The following MEFV variants were observed in gnomAD, a reference collection of about 807,000 sequenced individuals.
The protein encoded by MEFV is MEFV innate immunity regulator, pyrin.
In MEFV, 60 loss-of-function variants were observed where a neutral mutation model predicts 62.5. The observed-to-expected ratio is 0.96, with a 90% CI of 0.78 to 1.19. The LOEUF (loss-of-function observed/expected upper bound fraction) is 1.19, where lower values mean the gene tolerates loss of function less well. MEFV is among the 50% of genes most tolerant of loss of function. MEFV has a pLI of 0.00. For synonymous variants in MEFV, 500 were observed against 415.2 expected, an observed-to-expected ratio of 1.20 and a Z score of -2.48; for missense variants, 1,169 against 1,004.5, an observed-to-expected ratio of 1.16 and a Z score of -2.21.
intron 9 of MEFV, 21 bp from the exon 10 acceptor site, chr16:3,243,715 C>T: frequency 1.9e-6 from 3 of 1,611,820 alleles, no homozygotes; most frequent in Non-Finnish European, 2.5e-6. Flanking sequence ...AATTTGAATA[C>T]CTAGGTAGGG....
In MEFV at chr16:3,243,225, A is replaced by G; in HGVS notation, c.2262T>C (p.Pro754=). 1 of 1,614,150 alleles carries G rather than the reference A, an allele frequency of 6.2e-7. No individual in the cohort carries two copies. The highest frequency in any genetic ancestry group is 8.5e-7 in the Non-Finnish European group (1 of 1,180,028). The change falls in exon 10 of 10, where the codon CCT becomes CCC. Residue 754 remains proline (P), a synonymous_variant. Transcript: ENST00000219596. ...CATCACGTGTCCCAGGGCTGAAGAT[A>G]GGTTGAAGGGGCCCAGAGAAAGAGC... ...ASCSFSGPLQ[P]IFSPGTRDGG...
chr16:3,254,485 C>G lies in MEFV; in HGVS notation c.583G>C (p.Glu195Gln). The G allele has an allele frequency of 6.3e-7, 1 of 1,589,058 alleles. No homozygotes were observed. The highest frequency in any genetic ancestry group is 1.3e-5 in the African/African-American group (1 of 74,366). ...GRSPGPCRAL[E>Q]GGQAEVRLRR... ...AGCCGGACCTCGGCCTGGCCCCCCT[C>G]TAGCGCCCTGCAGGGGCCGGGGCTT... Residue 195 changes from glutamate (E) to glutamine (Q), a missense_variant, in exon 2 of 10, where the codon GAG (glutamate) becomes CAG (glutamine). Coordinates refer to ENST00000219596, the MANE Select transcript of MEFV (RefSeq NM_000243.3).
intron 5 of MEFV, 75 bp downstream of exon 5, chr16:3,246,941 G>T: frequency 7.2e-7 from 1 of 1,398,562 alleles, no homozygotes; most frequent in Non-Finnish European, 1.0e-6. Flanking sequence ...CAGCACGGCT[G>T]ATGGCAGAGC....
At chr16:3,249,143 G>A (rs1958991695) in intron 3 of MEFV, 139 bp from the exon 4 acceptor site, 1 of 875,204 alleles carries the variant, frequency 1.1e-6, no homozygotes, top group Non-Finnish European at 1.9e-6. Flanking sequence ...GGGTGCTCAG[G>A]AAAGAGGAGG....
intron 4 of MEFV, 95 bp from the exon 5 acceptor site, chr16:3,247,341 A>T: frequency 9.4e-7 from 1 of 1,063,288 alleles, no homozygotes; most frequent in African/African-American, 1.6e-5. Context: ...GGAGGTGGAT[A>T]AGAGGTGGGC....
intron 2 of MEFV, among the ~76,000 whole-genome samples, chr16:3,251,698 G>A (rs1304977010): frequency 2.0e-5 from 3 of 152,232 alleles, no homozygotes; most frequent in Non-Finnish European, 2.9e-5. Context: ...ATGCATTGCT[G>A]TGAGGTTATT....
chr16:3,246,082 A>G (rs1257884900), intron 6 of MEFV, among the ~76,000 whole-genome samples: 3 of 152,206 alleles, frequency 2.0e-5, no homozygotes, highest in Non-Finnish European at 2.9e-5. Flanking sequence ...GGGATTTTGT[A>G]AAGCTCCCAG....
Position 3,243,815 on chromosome 16 carries a change from G to C in MEFV, c.1792+45C>G, listed in dbSNP as rs770948036. 4 of 1,610,052 alleles carry C rather than the reference G, an allele frequency of 2.5e-6. No individual in the cohort carries two copies. In the African/African-American group the frequency reaches 5.3e-5, roughly 22 times the overall value. ...CTGGAACGTGGTAGGGGAGAGCACA[G>C]GGATCCAGCAGGCCAGGGCCACTTG... is the stretch of plus-strand genomic sequence containing the variant. On this transcript the variant is annotated intron_variant, in intron 9 of 9. Coordinates refer to ENST00000219596, the MANE Select transcript of MEFV (RefSeq NM_000243.3).
rs144998416 is a variant in MEFV at position 3,249,561 on chromosome 16, C to T, written c.1130G>A (p.Arg377His). The T allele has an allele frequency of 1.5e-5, 25 of 1,614,092 alleles. No individual in the cohort carries two copies. The African/African-American group carries it at 1.6e-4, about 10-fold the overall frequency. ...GAGCAGCTGGACCTGCTTCAGGTGG[C>T]GCTTACACTGTGGCAGGGGCTGGGG... Reference protein sequence around the residue: ...LSPQPLPQCKRHLKQVQLLFC... With the variant: ...LSPQPLPQCKHHLKQVQLLFC... The change falls in exon 3 of 10, where the codon CGC becomes CAC. Residue 377 changes from arginine (R) to histidine (H), a missense_variant. Transcript: ENST00000219596.
chr16:3,247,434 G>A, intron 4 of MEFV, 188 bp from the exon 5 acceptor site: 1 of 604,376 alleles, frequency 1.7e-6, no homozygotes, highest in Non-Finnish European at 2.9e-6. Context: ...AGCATGGCTG[G>A]GGCTAGCTCT....
chr16:3,246,589 A>T (rs758036789), intron 5 of MEFV, 42 bp from the exon 6 acceptor site: 13 of 1,612,692 alleles, frequency 8.1e-6, no homozygotes, highest in Non-Finnish European at 1.1e-5. Flanking sequence ...CCAGGCTCCT[A>T]GTGGCTGGGC....
chr16:3,254,297 T>G lies in MEFV; in HGVS notation c.771A>C (p.Pro257=), dbSNP rs1210288126. 1.2e-6 allele frequency: 2 copies of G among 1,614,148 alleles called. No individual in the cohort carries two copies. The highest frequency in any genetic ancestry group is 1.7e-5 in the Admixed American group (1 of 60,012). ...ISTGEKAPAN[P]EILLTLEEKT... ...TTTCCTCTAGAGTCAGGAGAATTTC[T>G]GGATTTGCGGGCGCCTTCTCCCCTG... is the stretch of plus-strand genomic sequence containing the variant. The change falls in exon 2 of 10, where the codon CCA becomes CCC. Residue 257 remains proline (P), a synonymous_variant. Transcript: ENST00000219596.
rs1235311995 is a variant in MEFV, at chr16:3,252,386, G to A, written c.910+1772C>T. ...CCTCCTCGGTTCAAGCAATTCTCCT[G>A]CCTCGAAGCCTTCTGAGTAGCTGGG... is the stretch of plus-strand genomic sequence containing the variant. On this transcript the variant is annotated intron_variant, in intron 2 of 9. Coordinates refer to ENST00000219596, the MANE Select transcript of MEFV (RefSeq NM_000243.3). 2.0e-5 allele frequency among the ~76,000 whole-genome samples: 3 copies of A among 150,682 alleles called. No homozygotes were observed. In the East Asian group the frequency reaches 5.9e-4, roughly 29 times the overall value.
Position 3,254,243 on chromosome 16 carries a change from T to A in MEFV, c.825A>T (p.Thr275=). ...EKTAANLDSA[T]EPRARPTPDG... ...CCGGAGTGGGCCTTGCCCGGGGTTC[T>A]GTTGCCGAGTCCAGATTCGCAGCTG... is the stretch of plus-strand genomic sequence containing the variant. Residue 275 remains threonine (T), a synonymous_variant, in exon 2 of 10, where the codon ACA becomes ACT. Transcript: ENST00000219596. 2 of 1,614,278 alleles carry A rather than the reference T, an allele frequency of 1.2e-6. No homozygotes were observed. Among genetic ancestry groups the A allele is most frequent in the Non-Finnish European group, 1.7e-6 (2 of 1,180,044 alleles).
chr16:3,245,591 G>A (rs1376802173), intron 6 of MEFV, among the ~76,000 whole-genome samples: 2 of 152,138 alleles, frequency 1.3e-5, no homozygotes, highest in Admixed American at 6.5e-5. Flanking sequence ...CCAAGATCGC[G>A]CCACTGCACT....
At position 3,243,980 on chromosome 16, in the gene MEFV, C is replaced by A. The variant is rs536557865; in HGVS notation, c.1760-88G>T. The A allele has an allele frequency of 5.7e-5, 90 of 1,582,892 alleles. 1 individual carries two copies. Among genetic ancestry groups the A allele is most frequent in the South Asian group, 5.0e-4 (44 of 87,714 alleles). ...ACACTGTCCTGACAACAAGGAAAGA[C>A]AAGGAACCCCCTGCTTAGGGCCCTG... On this transcript the variant is annotated intron_variant, in intron 8 of 9. Coordinates refer to ENST00000219596, the MANE Select transcript of MEFV (RefSeq NM_000243.3).
chr16:3,255,372 G>T (rs901031737), intron 1 of MEFV, among the ~76,000 whole-genome samples: 2 of 152,096 alleles, frequency 1.3e-5, no homozygotes, highest in African/African-American at 4.8e-5. Flanking sequence ...TTACCATTCA[G>T]TAAGAACATG....
chr16:3,245,370 G>C (rs986124622), intron 6 of MEFV, among the ~76,000 whole-genome samples: 1 of 152,140 alleles, frequency 6.6e-6, no homozygotes, highest in Admixed American at 6.5e-5. Context: ...GGCTGGGCAC[G>C]GTGGCTCACG....
chr16:3,248,652 G>A, intron 4 of MEFV: 7 of 1,096,860 alleles, frequency 6.4e-6, no homozygotes, highest in Non-Finnish European at 8.6e-6. Flanking sequence ...GTAGTCACCG[G>A]CATAGGTTGC....
Sources: allele counts gnomAD v4.1 joint callset (sites outside exome capture counted in the v4.1 genomes callset), GRCh38; gene constraint gnomAD v4.1.1; transcripts MANE v1.5; gene names NCBI Gene and HGNC (gene_info 2026-07-23, HGNC 2026-07-21).